DIAPH2: variants seen among roughly 807,000 people sequenced by gnomAD.
DIAPH2 encodes diaphanous related formin 2, also known as protein diaphanous homolog 2.
A neutral mutation model predicts 92.7 loss-of-function variants in DIAPH2; 35 were observed. The observed-to-expected ratio is 0.38, with a 90% confidence interval of 0.29 to 0.50. The LOEUF is 0.50. Among genes scored for constraint, DIAPH2 ranks in the 20% least tolerant of loss-of-function variants. The pLI is 0.94. For synonymous variants in DIAPH2, 301 were observed against 280.4 expected, an observed-to-expected ratio of 1.07 and a Z score of -0.73; for missense variants, 701 against 819.5, an observed-to-expected ratio of 0.86 and a Z score of 1.77.
At chrX:97,375,888 T>C (rs2069495520) in intron 24 of DIAPH2, among the ~76,000 whole-genome samples, 1 of 111,627 alleles carries the variant, frequency 9.0e-6, no homozygotes. Flanking sequence ...ATCAGAAAGC[T>C]TAGCAAGGCC....
In DIAPH2 at chrX:97,408,526, A is replaced by G. The variant is rs767065599; in HGVS notation, c.3146-21124A>G. ...CAACTTCTCTTTTACGAAGTAAAGT[A>G]TGTAATTAAGGTCTACCTGAATTTT... is the stretch of plus-strand genomic sequence containing the variant. On this transcript the variant is annotated intron_variant, in intron 25 of 26. Transcript: ENST00000324765. Among the ~76,000 whole-genome samples the G allele has an allele frequency of 1.3e-3, 147 of 111,639 alleles. 1 individual carries two copies. The highest frequency in any genetic ancestry group is 4.6e-3 in the African/African-American group (143 of 30,849).
intron 20 of DIAPH2, among the ~76,000 whole-genome samples, chrX:97,106,905 C>G (rs761207707): frequency 4.5e-5 from 5 of 111,982 alleles, no homozygotes; most frequent in Admixed American, 9.4e-5. Context: ...GCACTCCAAC[C>G]TGGATGACAG....
At chrX:96,759,539 T>C (rs2064254894) in intron 4 of DIAPH2, among the ~76,000 whole-genome samples, 1 of 111,995 alleles carries the variant, frequency 8.9e-6, no homozygotes, top group South Asian at 3.7e-4. Flanking sequence ...CTTCTCATTT[T>C]TGCACTCAAG....
intron 22 of DIAPH2, among the ~76,000 whole-genome samples, chrX:97,154,058 A>G (rs1383923248): frequency 8.9e-6 from 1 of 111,994 alleles, no homozygotes; most frequent in Non-Finnish European, 1.9e-5. Context: ...TGTGCATTTT[A>G]AAGGAGTAGA....
At chrX:97,152,383 A>C (rs2067291669) in intron 22 of DIAPH2, among the ~76,000 whole-genome samples, 1 of 112,153 alleles carries the variant, frequency 8.9e-6, no homozygotes, top group Non-Finnish European at 1.9e-5. Context: ...AAGTTATATG[A>C]CTCAAACTCC....
chrX:97,173,549 A>T (rs2067469156), intron 22 of DIAPH2, among the ~76,000 whole-genome samples: 1 of 111,883 alleles, frequency 8.9e-6, no homozygotes, highest in South Asian at 3.7e-4. Flanking sequence ...ACTTATATGT[A>T]TTTTTGGCCT....
intron 26 of DIAPH2, among the ~76,000 whole-genome samples, chrX:97,455,961 C>T (rs2070400276): frequency 1.8e-5 from 2 of 112,140 alleles, no homozygotes; most frequent in African/African-American, 6.5e-5. Flanking sequence ...CTCAGTGTCA[C>T]TTCCCGAGGC....
intron 9 of DIAPH2, among the ~76,000 whole-genome samples, chrX:96,924,871 C>T (rs1470322738): frequency 9.0e-6 from 1 of 111,073 alleles, no homozygotes; most frequent in African/African-American, 3.3e-5. Context: ...AGTCACCTCC[C>T]ATCATGCCCC....
chrX:96,789,967 A>G (rs2064487646), intron 4 of DIAPH2, among the ~76,000 whole-genome samples: 1 of 111,639 alleles, frequency 9.0e-6, no homozygotes, highest in South Asian at 3.8e-4. Context: ...GGACCTAAGA[A>G]AGCAGTAAAG....
chrX:97,398,538 G>T (rs1034273445), intron 25 of DIAPH2, among the ~76,000 whole-genome samples: 1 of 110,413 alleles, frequency 9.1e-6, no homozygotes, highest in African/African-American at 3.3e-5. Context: ...GGAAGTGGGG[G>T]TAGGGGCAAT....
intron 22 of DIAPH2, among the ~76,000 whole-genome samples, chrX:97,178,449 T>C (rs2067511837): frequency 2.6e-5 from 2 of 77,355 alleles, no homozygotes; most frequent in African/African-American, 5.1e-5. Flanking sequence ...TTCTCTTTTT[T>C]TTTTTTTTTT....
intron 4 of DIAPH2, among the ~76,000 whole-genome samples, chrX:96,801,288 TCTTTA>T (rs1405451200): frequency 8.9e-6 from 1 of 112,057 alleles, no homozygotes. Context: ...CTTTCTTAAA[TCTTTA>T]CTTTAAGCAA....
In DIAPH2 at chrX:96,917,700, G is replaced by T. The variant is rs1000117925; in HGVS notation, c.870-809G>T. 4.5e-5 allele frequency among the ~76,000 whole-genome samples: 5 copies of T among 110,602 alleles called. No individual in the cohort carries two copies. The Admixed American group carries it at 4.8e-4, about 11-fold the overall frequency. On this transcript the variant is annotated intron_variant, in intron 8 of 26. Transcript: ENST00000324765. Reference sequence around the variant, plus strand: ...ATTGTGTGGAGATACCAATATTTTTGGTCAGGTTAATAAGTTTCTTGTGCT... The same window carrying T: ...ATTGTGTGGAGATACCAATATTTTTTGTCAGGTTAATAAGTTTCTTGTGCT...
chrX:97,228,642 G>A (rs2067984536), intron 22 of DIAPH2, among the ~76,000 whole-genome samples: 1 of 111,419 alleles, frequency 9.0e-6, no homozygotes, highest in African/African-American at 3.3e-5. Flanking sequence ...TTTCTGAAAA[G>A]TAATAGAACT....
intron 1 of DIAPH2, among the ~76,000 whole-genome samples, chrX:96,708,205 A>G (rs1306336286): frequency 2.0e-5 from 2 of 99,701 alleles, no homozygotes; most frequent in Non-Finnish European, 2.0e-5. Flanking sequence ...CTCAGGTGAC[A>G]CCCATCCTCC....
intron 25 of DIAPH2, among the ~76,000 whole-genome samples, chrX:97,408,921 C>T (rs1436935233): frequency 8.9e-6 from 1 of 111,804 alleles, no homozygotes; most frequent in African/African-American, 3.3e-5. Context: ...TTGGAAGCAA[C>T]TTATAAAACC....
At chrX:97,459,442 CTA>C (rs1215748673) in intron 26 of DIAPH2, among the ~76,000 whole-genome samples, 4 of 111,996 alleles carry the variant, frequency 3.6e-5, no homozygotes, top group Non-Finnish European at 7.5e-5. Context: ...GTTTTGAGAA[CTA>C]TATGAGTTAA....
At chrX:97,515,111 C>G (rs1602641830) in intron 26 of DIAPH2, among the ~76,000 whole-genome samples, 4 of 112,160 alleles carry the variant, frequency 3.6e-5, no homozygotes. Context: ...CCCCCAGCCT[C>G]GCTGCTGCCT....
At chrX:97,213,479 C>A (rs1264114847) in intron 22 of DIAPH2, among the ~76,000 whole-genome samples, 2 of 111,673 alleles carry the variant, frequency 1.8e-5, no homozygotes, top group African/African-American at 6.5e-5. Context: ...TAAGCCAGTT[C>A]TTTATTTCCT....
Sources: gnomAD v4.1 joint callset for allele counts (sites outside exome capture counted in the v4.1 genomes callset) on GRCh38, gnomAD v4.1.1 for gene constraint, MANE v1.5 for transcripts, NCBI Gene and HGNC (gene_info 2026-07-23, HGNC 2026-07-21) for gene names.